MYO16: variants seen among roughly 807,000 people sequenced by gnomAD.
MYO16 encodes myosin XVI, also known as unconventional myosin-XVI.
A neutral mutation model predicts 205.3 loss-of-function variants in MYO16; 94 were observed. The observed-to-expected ratio is 0.46, with a 90% CI of 0.39 to 0.54. The LOEUF is 0.54. Among genes scored for constraint, MYO16 ranks in the 20% least tolerant of loss-of-function variants. The probability of loss-of-function intolerance (pLI) is 0.00; values close to 1 mark genes in which losing one functional copy is unlikely to be tolerated. For synonymous variants in MYO16, 988 were observed against 954.0 expected (o/e 1.04, Z -0.66); for missense variants, 2,315 against 2,387.5 (o/e 0.97, Z 0.63).
chr13:109,018,864 C>T lies in MYO16; in HGVS notation c.2596-847C>T, dbSNP rs561267480. On this transcript the variant is annotated intron_variant, in intron 22 of 34. Coordinates refer to ENST00000457511, the MANE Select transcript of MYO16 (RefSeq NM_001198950.3). ...CAGTTCCAGTGAGATGAACCAGCTA[C>T]CTCAGTTGGAAATGCAGAAATCACC... is the stretch of plus-strand genomic sequence containing the variant. 8.5e-5 allele frequency among the ~76,000 whole-genome samples: 13 copies of T among 152,288 alleles called. No homozygotes were observed. The South Asian group carries it at 2.7e-3, about 32-fold the overall frequency.
At chr13:108,528,955 T>C in the MYO16 span, among the ~76,000 whole-genome samples, 1 of 151,850 alleles carries the variant, frequency 6.6e-6, no homozygotes, top group Non-Finnish European at 1.5e-5. Flanking sequence ...GACGACTCGA[T>C]GGCAACATTT....
chr13:109,084,185 A>G (rs1274935746), intron 27 of MYO16, among the ~76,000 whole-genome samples: 1 of 152,234 alleles, frequency 6.6e-6, no homozygotes, highest in Non-Finnish European at 1.5e-5. Context: ...AAAATAATCC[A>G]GATGAATAAG....
intron 7 of MYO16, among the ~76,000 whole-genome samples, chr13:108,812,942 A>C (rs1887340326): frequency 6.6e-6 from 1 of 152,172 alleles, no homozygotes; most frequent in Non-Finnish European, 1.5e-5. Flanking sequence ...AGACTTCCTA[A>C]CCTCCAGAAC....
At chr13:108,882,916 A>G (rs1210407176) in intron 12 of MYO16, 143 bp from the exon 13 acceptor site, 3 of 1,208,208 alleles carry the variant, frequency 2.5e-6, no homozygotes, top group Non-Finnish European at 3.4e-6. Context: ...GTAATTTTAC[A>G]AATGTTTTTA....
chr13:108,648,246 GCTTTAATAT>G (rs1880842099), intron 1 of MYO16, among the ~76,000 whole-genome samples: 1 of 152,138 alleles, frequency 6.6e-6, no homozygotes, highest in Non-Finnish European at 1.5e-5. Context: ...TCCTTCTCTG[GCTTTAATAT>G]TCCCTGGGCA....
chr13:109,039,959 T>A (rs1886829189), intron 23 of MYO16, among the ~76,000 whole-genome samples: 1 of 151,558 alleles, frequency 6.6e-6, no homozygotes. Flanking sequence ...AAATAGAAAA[T>A]ACATAAATAG....
chr13:108,915,338 A>T (rs1462493987), intron 16 of MYO16, among the ~76,000 whole-genome samples: 1 of 152,244 alleles, frequency 6.6e-6, no homozygotes, highest in African/African-American at 2.4e-5. Context: ...AGCTCTCCAT[A>T]AAGTCAGACG....
At chr13:109,103,051 CT>C (rs1263388987) in intron 28 of MYO16, among the ~76,000 whole-genome samples, 5 of 152,102 alleles carry the variant, frequency 3.3e-5, no homozygotes, top group Non-Finnish European at 4.4e-5. Context: ...CTATGATATA[CT>C]TTATACTACC....
At chr13:109,068,338 A>T (rs1412669503) in intron 27 of MYO16, among the ~76,000 whole-genome samples, 1 of 152,170 alleles carries the variant, frequency 6.6e-6, no homozygotes, top group Non-Finnish European at 1.5e-5. Flanking sequence ...GAAGTGGGAA[A>T]GGTTAGAGAG....
intron 32 of MYO16, among the ~76,000 whole-genome samples, chr13:109,163,503 C>T (rs1878492118): frequency 6.9e-6 from 1 of 144,574 alleles, no homozygotes; most frequent in Non-Finnish European, 1.5e-5. Context: ...TCCCTCCTTC[C>T]CTCCCTCCCT....
At chr13:108,883,396 T>C (rs1048100412) in intron 13 of MYO16, among the ~76,000 whole-genome samples, 4 of 152,204 alleles carry the variant, frequency 2.6e-5, no homozygotes, top group African/African-American at 9.7e-5. Flanking sequence ...TCAATATTAA[T>C]AAACTTAACC....
At chr13:108,577,856 C>T in the MYO16 span, among the ~76,000 whole-genome samples, 2 of 152,124 alleles carry the variant, frequency 1.3e-5, no homozygotes, top group Non-Finnish European at 2.9e-5. Flanking sequence ...AAACTTGCCC[C>T]TTTTACCCCA....
At chr13:108,501,784 C>A in the MYO16 span, among the ~76,000 whole-genome samples, 1 of 152,176 alleles carries the variant, frequency 6.6e-6, no homozygotes, top group African/African-American at 2.4e-5. Context: ...TGAGACTCTG[C>A]AGCGCATACA....
At chr13:109,108,370 G>A (rs748918149) in intron 28 of MYO16, among the ~76,000 whole-genome samples, 6 of 152,210 alleles carry the variant, frequency 3.9e-5, no homozygotes, top group Non-Finnish European at 5.9e-5. Context: ...TCTGCCTTTA[G>A]AGTAATTTTA....
intron 2 of MYO16, among the ~76,000 whole-genome samples, chr13:108,707,105 T>C (rs754866676): frequency 1.3e-4 from 20 of 152,112 alleles, no homozygotes; most frequent in South Asian, 6.2e-4. Flanking sequence ...TAAGGTGTGA[T>C]TGAGCAGCTC....
chr13:108,537,472 G>A, the MYO16 span, among the ~76,000 whole-genome samples: 8 of 152,156 alleles, frequency 5.3e-5, no homozygotes, highest in Middle Eastern at 3.4e-3. Flanking sequence ...ATGACTATAG[G>A]TGTCTTTTTG....
At chr13:108,771,092 G>C (rs1885947470) in intron 4 of MYO16, among the ~76,000 whole-genome samples, 1 of 152,202 alleles carries the variant, frequency 6.6e-6, no homozygotes, top group South Asian at 2.1e-4. Flanking sequence ...GGACTATAAA[G>C]GGGAGGACTA....
chr13:108,643,272 T>C (rs1334086700), intron 1 of MYO16, among the ~76,000 whole-genome samples: 2 of 152,224 alleles, frequency 1.3e-5, no homozygotes, highest in African/African-American at 4.8e-5. Flanking sequence ...TCTTCTGAGA[T>C]TGGCTTTTAA....
chr13:108,929,161 G>A (rs1882141621), intron 16 of MYO16, among the ~76,000 whole-genome samples: 1 of 152,184 alleles, frequency 6.6e-6, no homozygotes. Flanking sequence ...AACCAAGACT[G>A]TTTCCATCCT....
Sources: allele counts gnomAD v4.1 joint callset (sites outside exome capture counted in the v4.1 genomes callset), GRCh38; gene constraint gnomAD v4.1.1; transcripts MANE v1.5; gene names NCBI Gene and HGNC (gene_info 2026-07-23, HGNC 2026-07-21).